Variants in ADGRB3 observed in about 807,000 individuals in gnomAD.
The protein encoded by ADGRB3 is adhesion G protein-coupled receptor B3.
A neutral mutation model predicts 193.4 loss-of-function variants in ADGRB3; 37 were observed. The ratio of observed to expected loss-of-function variants is 0.19; its 90% CI spans 0.15 to 0.25. The LOEUF (loss-of-function observed/expected upper bound fraction) is 0.25, where lower values mean the gene tolerates loss of function less well. Among genes scored for constraint, ADGRB3 ranks in the 10% least tolerant of loss-of-function variants. The pLI is 1.00. For missense variants in ADGRB3, 1,637 were observed against 1,852.9 expected, an observed-to-expected ratio of 0.88 and a Z score of 2.14; for synonymous variants, 690 against 644.2, an observed-to-expected ratio of 1.07 and a Z score of -1.08.
chr6:69,023,771 A>G (rs1387044007), intron 13 of ADGRB3, among the ~76,000 whole-genome samples: 3 of 152,112 alleles, frequency 2.0e-5, no homozygotes, highest in Non-Finnish European at 4.4e-5. Flanking sequence ...TTTAATAGTA[A>G]TTCATGCAGG....
chr6:68,983,549 G>GA (rs576630742), intron 10 of ADGRB3, among the ~76,000 whole-genome samples: 143 of 150,734 alleles, frequency 9.5e-4, no homozygotes, highest in Non-Finnish European at 1.6e-3. Context: ...ATACCAAAGG[G>GA]AAAAAAATTA....
intron 4 of ADGRB3, among the ~76,000 whole-genome samples, chr6:68,934,117 G>GAA (rs1767422556): frequency 6.6e-6 from 1 of 152,092 alleles, no homozygotes; most frequent in African/African-American, 2.4e-5. Context: ...AGTATTTAGT[G>GAA]GAAATGTCAC....
intron 26 of ADGRB3, among the ~76,000 whole-genome samples, chr6:69,341,494 A>G (rs1342402240): frequency 6.6e-6 from 1 of 152,224 alleles, no homozygotes; most frequent in African/African-American, 2.4e-5. Context: ...ACCAATTAAC[A>G]GTAACTTCAC....
At chr6:69,175,315 A>G (rs1012437515) in intron 17 of ADGRB3, among the ~76,000 whole-genome samples, 7 of 152,124 alleles carry the variant, frequency 4.6e-5, no homozygotes, top group Non-Finnish European at 4.4e-5. Flanking sequence ...CGATTTTTGT[A>G]TATGGTGAAA....
intron 17 of ADGRB3, among the ~76,000 whole-genome samples, chr6:69,120,792 C>T (rs569568664): frequency 1.3e-5 from 2 of 152,078 alleles, no homozygotes; most frequent in South Asian, 2.1e-4. Flanking sequence ...AAGTTTTCCT[C>T]GAGCTTTAAA....
rs1262933878 is a variant in ADGRB3, at chr6:69,339,443, C to G, written c.3398C>G (p.Ala1133Gly). 1 of 1,614,002 alleles carries G rather than the reference C, an allele frequency of 6.2e-7. No individual in the cohort carries two copies. The highest frequency in any genetic ancestry group is 8.5e-7 in the Non-Finnish European group (1 of 1,179,904). ...KRSILFQILF[A>G]VFDSLQGFVI... Reference sequence around the variant, plus strand: ...TCCATATTGTTTCAAATACTTTTTGCTGTGTTTGATTCATTGCAAGGCTTT... The same window carrying G: ...TCCATATTGTTTCAAATACTTTTTGGTGTGTTTGATTCATTGCAAGGCTTT... The change falls in exon 26 of 32, where the codon GCT becomes GGT. Residue 1133 changes from alanine to glycine, a missense_variant. Physicochemically the swap from Ala to Gly is moderately conservative, Grantham distance 60. Around this residue, in one of 7 missense-constraint regions of ADGRB3, gnomAD observed 116 missense variants for 168.1 expected, o/e 0.69. Transcript: ENST00000370598.
At chr6:69,144,037 G>C (rs2150338764) in intron 17 of ADGRB3, among the ~76,000 whole-genome samples, 1 of 152,144 alleles carries the variant, frequency 6.6e-6, no homozygotes, top group African/African-American at 2.4e-5. Flanking sequence ...TCCTTTTTGT[G>C]TGTGTCCTCT....
At chr6:69,378,692 A>G (rs1769883909) in intron 30 of ADGRB3, among the ~76,000 whole-genome samples, 1 of 152,046 alleles carries the variant, frequency 6.6e-6, no homozygotes, top group Non-Finnish European at 1.5e-5. Context: ...TTCAGACCAC[A>G]CAACTTAAAA....
chr6:68,665,166 G>A (rs1197655184), intron 3 of ADGRB3, among the ~76,000 whole-genome samples: 1 of 151,290 alleles, frequency 6.6e-6, no homozygotes, highest in Non-Finnish European at 1.5e-5. Context: ...ATGGTATTTT[G>A]TAGGTTCTCG....
chr6:68,920,497 A>ACAGAG (rs940407387), intron 3 of ADGRB3, among the ~76,000 whole-genome samples: 1 of 134,382 alleles, frequency 7.4e-6, no homozygotes, highest in Non-Finnish European at 1.5e-5. Context: ...AGCCTCGGCG[A>ACAGAG]CAGAGACTCT....
chr6:68,956,152 G>A lies in ADGRB3; in HGVS notation c.1324G>A (p.Ala442Thr), dbSNP rs377276158. 10 of 1,613,772 alleles carry A rather than the reference G, an allele frequency of 6.2e-6. No homozygotes were observed. The highest frequency in any genetic ancestry group is 3.3e-5 in the Admixed American group (2 of 59,990). Residue 442 changes from alanine to threonine, a missense_variant, in exon 7 of 32, where the codon GCA becomes ACA. Around this residue, in one of 7 missense-constraint regions of ADGRB3, gnomAD observed 641 missense variants for 673.9 expected, o/e 0.95. Transcript: ENST00000370598. ...HGGSECRGPW[A>T]ESRECYNPEC... ...AGGCTCCGAATGCAGAGGGCCATGG[G>A]CAGAAAGCAGAGAGTGCTATAACCC...
At chr6:68,759,222 G>A (rs1310503463) in intron 3 of ADGRB3, among the ~76,000 whole-genome samples, 1 of 151,906 alleles carries the variant, frequency 6.6e-6, no homozygotes, top group Non-Finnish European at 1.5e-5. Context: ...TATATAGAGT[G>A]TATACATAGC....
At chr6:69,290,135 G>T (rs1421152178) in intron 20 of ADGRB3, among the ~76,000 whole-genome samples, 1 of 152,058 alleles carries the variant, frequency 6.6e-6, no homozygotes, top group African/African-American at 2.4e-5. Context: ...GGAGAGTGGT[G>T]GGGAGGGTTT....
intron 13 of ADGRB3, among the ~76,000 whole-genome samples, chr6:69,043,334 G>GAAAGAA (rs1771143507): frequency 9.1e-6 from 1 of 110,048 alleles, no homozygotes; most frequent in African/African-American, 3.2e-5. Flanking sequence ...GAAAGAAAGA[G>GAAAGAA]AAAGAAAAGA....
chr6:69,281,767 A>C (rs1767442218), intron 20 of ADGRB3, among the ~76,000 whole-genome samples: 1 of 152,210 alleles, frequency 6.6e-6, no homozygotes, highest in Non-Finnish European at 1.5e-5. Context: ...ACACAAAAGC[A>C]TTACTCTGTG....
chr6:69,153,686 T>C (rs1202419069), intron 17 of ADGRB3, among the ~76,000 whole-genome samples: 1 of 152,180 alleles, frequency 6.6e-6, no homozygotes, highest in Non-Finnish European at 1.5e-5. Context: ...AAAAGTTTCA[T>C]ATTAATATTT....
intron 17 of ADGRB3, among the ~76,000 whole-genome samples, chr6:69,078,420 C>T (rs369542678): frequency 7.2e-5 from 11 of 152,004 alleles, no homozygotes; most frequent in Non-Finnish European, 8.8e-5. Flanking sequence ...TATACATTGA[C>T]GTGTATTCAT....
At chr6:68,884,222 CTTCG>C (rs747667726) in intron 3 of ADGRB3, among the ~76,000 whole-genome samples, 8 of 152,120 alleles carry the variant, frequency 5.3e-5, no homozygotes, top group Non-Finnish European at 8.8e-5. Flanking sequence ...TTTATGAGCA[CTTCG>C]TTCATGTAAG....
At chr6:69,192,803 G>T (rs1028150645) in intron 17 of ADGRB3, among the ~76,000 whole-genome samples, 2 of 152,130 alleles carry the variant, frequency 1.3e-5, no homozygotes, top group East Asian at 3.9e-4. Flanking sequence ...CTGCATTAAA[G>T]TAAGTGGAAG....
Sources: gnomAD v4.1 joint callset for allele counts (sites outside exome capture counted in the v4.1 genomes callset) on GRCh38, gnomAD v4.1.1 for gene constraint, gnomAD v4.1.1 regional missense constraint, MANE v1.5 for transcripts, NCBI Gene and HGNC (gene_info 2026-07-23, HGNC 2026-07-21) for gene names.